SMARCAD1: variants seen among roughly 807,000 people sequenced by gnomAD.
SMARCAD1 encodes SWI/SNF-related matrix-associated actin-dependent regulator of chromatin subfamily A containing DEAD/H box 1.
A neutral mutation model predicts 127.1 loss-of-function variants in SMARCAD1; 25 were observed. The ratio of observed to expected loss-of-function variants is 0.20; its 90% confidence interval spans 0.14 to 0.27. The LOEUF (loss-of-function observed/expected upper bound fraction) is 0.27. Ranked by LOEUF, SMARCAD1 falls within the 10% of genes least tolerant of loss-of-function variation. The pLI, the probability that SMARCAD1 is intolerant of heterozygous loss-of-function variation, is 1.00. For missense variants in SMARCAD1, 807 were observed against 1,206.0 expected (o/e 0.67, Z 4.90); for synonymous variants, 400 against 396.9 (o/e 1.01, Z -0.09).
At chr4:94,282,447 T>A (rs6841961) in intron 21 of SMARCAD1, among the ~76,000 whole-genome samples, 1 of 151,996 alleles carries the variant, frequency 6.6e-6, no homozygotes, top group African/African-American at 2.4e-5. Context: ...GGTTTTCACC[T>A]TTAAATTTTT....
Position 94,227,372 on chromosome 4 carries a change from A to G in SMARCAD1, c.368+1076A>G, listed in dbSNP as rs528481675. 1.8e-3 allele frequency among the ~76,000 whole-genome samples: 270 copies of G among 152,282 alleles called. 10 individuals are homozygous for G. The South Asian group carries it at 0.053, about 30-fold the overall frequency. On this transcript the variant is annotated intron_variant, in intron 3 of 23. Coordinates refer to ENST00000354268, the MANE Select transcript of SMARCAD1 (RefSeq NM_020159.5). ...AGAGAGGTAAAATTATCTGAGTTAG[A>G]TGTTTAAAAGGTCTTAATGACTGTG...
chr4:94,276,142 G>C (rs890730471), intron 14 of SMARCAD1, among the ~76,000 whole-genome samples, 197 bp from the exon 15 acceptor site: 1 of 151,898 alleles, frequency 6.6e-6, no homozygotes, highest in African/African-American at 2.4e-5. Flanking sequence ...TCATAGCTTG[G>C]TTACAGTGTA....
At chr4:94,282,215 G>A (rs1754191521) in intron 21 of SMARCAD1, among the ~76,000 whole-genome samples, 1 of 85,058 alleles carries the variant, frequency 1.2e-5, no homozygotes, top group Non-Finnish European at 2.5e-5. Context: ...TTCTGCCTCA[G>A]CCTCCCGAGT....
intron 6 of SMARCAD1, among the ~76,000 whole-genome samples, chr4:94,248,890 A>T (rs544618465): frequency 1.3e-5 from 2 of 152,190 alleles, no homozygotes; most frequent in Non-Finnish European, 2.9e-5. Context: ...TTGAAGAAGA[A>T]GATTGTATTT....
At chr4:94,213,054 A>G (rs571723781) in intron 2 of SMARCAD1, 9 of 1,286,078 alleles carry the variant, frequency 7.0e-6, no homozygotes, top group Middle Eastern at 2.1e-4. Flanking sequence ...AGGGATTGAA[A>G]TAATGGCAGG....
chr4:94,284,286 C>A lies in SMARCAD1; in HGVS notation c.2910-674C>A, dbSNP rs1248175532. Among the ~76,000 whole-genome samples the A allele has an allele frequency of 7.8e-5, 10 of 128,512 alleles. No individual in the cohort carries two copies. In the Admixed American group the frequency reaches 9.0e-4, roughly 12 times the overall value. 84.3% of individuals were successfully genotyped at this position (128,512 alleles called of 152,430 possible). On this transcript the variant is annotated intron_variant, in intron 22 of 23. Transcript: ENST00000354268. ...AGCTTGCAGTGAGCCGCGATCGCAC[C>A]ACTGCACTCCAGCCTGGGTGACGGA...
At chr4:94,283,422 A>G (rs1754378423) in intron 22 of SMARCAD1, 119 bp downstream of exon 22, 2 of 878,308 alleles carry the variant, frequency 2.3e-6, no homozygotes, top group Non-Finnish European at 3.7e-6. Context: ...AAGCATGGCT[A>G]CTGATGTATT....
At position 94,208,364 on chromosome 4, in the gene SMARCAD1, C is replaced by T; in HGVS notation, c.-31C>T. 1 of 1,610,770 alleles carries T rather than the reference C, an allele frequency of 6.2e-7. No homozygotes were observed. The highest frequency in any genetic ancestry group is 8.5e-7 in the Non-Finnish European group (1 of 1,177,330). ...CCTGCAGATAGTTCATTTAAAGCCC[C>T]CATCCCTGCAAGGTGGTGCTTTCTA... On this transcript the variant is annotated 5_prime_UTR_variant, in exon 2 of 24. Coordinates refer to ENST00000354268, the MANE Select transcript of SMARCAD1 (RefSeq NM_020159.5).
At position 94,264,787 on chromosome 4, in the gene SMARCAD1, A is replaced by T. The variant is rs772557950; in HGVS notation, c.1362A>T (p.Val454=). ...HCKTLIQERD[V]VIRLMNKCED... is the part of the protein sequence containing the mutation. Reference sequence around the variant, plus strand: ...AAACACTGATCCAAGAAAGAGATGTAGTTATAAGGCTTATGAACAAATGTG... The same window carrying T: ...AAACACTGATCCAAGAAAGAGATGTTGTTATAAGGCTTATGAACAAATGTG... Residue 454 remains valine (V), a synonymous_variant, in exon 10 of 24, where the codon GTA becomes GTT. Transcript: ENST00000354268. The T allele has an allele frequency of 6.2e-7, 1 of 1,612,800 alleles. No individual in the cohort carries two copies. The highest frequency in any genetic ancestry group is 8.5e-7 in the Non-Finnish European group (1 of 1,179,186).
intron 5 of SMARCAD1, among the ~76,000 whole-genome samples, chr4:94,239,373 C>G (rs1368669704): frequency 1.5e-3 from 4 of 2,654 alleles, no homozygotes; most frequent in Admixed American, 0.014. Flanking sequence ...AAATTGCAGT[C>G]TTAACAGACA....
At chr4:94,259,670 C>A (rs1244590646) in intron 9 of SMARCAD1, among the ~76,000 whole-genome samples, 1 of 152,108 alleles carries the variant, frequency 6.6e-6, no homozygotes, top group African/African-American at 2.4e-5. Flanking sequence ...CATTGCCTCC[C>A]CCATTTTGTT....
rs776587306 is a variant in SMARCAD1 at position 94,274,810 on chromosome 4, C to T, written c.1732+13C>T. 29 of 1,613,000 alleles carry T rather than the reference C, an allele frequency of 1.8e-5. No homozygotes were observed. Among genetic ancestry groups the T allele is most frequent in the African/African-American group, 8.0e-5 (6 of 74,892 alleles). On this transcript the variant is annotated intron_variant, in intron 13 of 23. Coordinates refer to ENST00000354268, the MANE Select transcript of SMARCAD1 (RefSeq NM_020159.5). ...CTCTGTTACTATGGTAAGAATATGT[C>T]ATTCTGCTTTTAACTTTGGAAATTA...
chr4:94,273,833 A>C, intron 12 of SMARCAD1, 117 bp downstream of exon 12: 2 of 765,664 alleles, frequency 2.6e-6, no homozygotes, highest in Non-Finnish European at 4.4e-6. Context: ...TGTAGAGATG[A>C]ATATTAATTT....
In SMARCAD1 at chr4:94,276,385, C is replaced by T. The variant is rs1753310241; in HGVS notation, c.1855C>T (p.Arg619Trp). The change falls in exon 15 of 24, where the codon CGG (arginine) becomes TGG (tryptophan). Residue 619 changes from arginine (R) to tryptophan (W), a missense_variant. By Grantham distance (101) the Arg-to-Trp change is moderately radical. Around this residue, in one of 8 missense-constraint regions of SMARCAD1, gnomAD observed 148 missense variants for 313.2 expected, o/e 0.47. Transcript: ENST00000354268. The stretch of plus-strand genomic sequence containing the variant: ...TTCTGATGACCGTAGTCTGTTTCGA[C>T]GGCTGAAACTTAATTACGCAATTTT... Reference protein sequence around the residue: ...SSSDDRSLFRRLKLNYAIFDE... With the variant: ...SSSDDRSLFRWLKLNYAIFDE... 9 of 1,614,052 alleles carry T rather than the reference C, an allele frequency of 5.6e-6. No individual in the cohort carries two copies. The highest frequency in any genetic ancestry group is 1.1e-5 in the South Asian group (1 of 91,080).
In SMARCAD1 at chr4:94,226,580, A is replaced by G. The variant is rs561589119; in HGVS notation, c.368+284A>G. Among the ~76,000 whole-genome samples the G allele has an allele frequency of 5.3e-5, 8 of 149,584 alleles. No individual in the cohort carries two copies. The South Asian group carries it at 1.7e-3, about 32-fold the overall frequency. On this transcript the variant is annotated intron_variant, in intron 3 of 23. Transcript: ENST00000354268. ...CTTAATTTCCTTATTATGGAAGTTTAAAAGAATTGTTTAGTACCTTTGATC... is the reference window on the plus strand; with the variant it reads ...CTTAATTTCCTTATTATGGAAGTTTGAAAGAATTGTTTAGTACCTTTGATC...
intron 2 of SMARCAD1, chr4:94,213,116 G>A: frequency 1.6e-6 from 2 of 1,286,644 alleles, no homozygotes; most frequent in Non-Finnish European, 2.0e-6. Context: ...ATAAAAATGA[G>A]TGAAGCCTGA....
chr4:94,236,242 G>C (rs748046221), intron 4 of SMARCAD1, among the ~76,000 whole-genome samples: 3 of 152,072 alleles, frequency 2.0e-5, no homozygotes, highest in Non-Finnish European at 4.4e-5. Context: ...TTAAAAGTAA[G>C]ATCTTTTTAA....
At chr4:94,259,750 T>C (rs1292809517) in intron 9 of SMARCAD1, among the ~76,000 whole-genome samples, 2 of 152,194 alleles carry the variant, frequency 1.3e-5, no homozygotes, top group African/African-American at 4.8e-5. Flanking sequence ...CTTGTCCACT[T>C]CCTTCCATCA....
At chr4:94,274,844 G>T (rs761483091) in intron 13 of SMARCAD1, 46 bp from the exon 14 acceptor site, 1 of 1,605,356 alleles carries the variant, frequency 6.2e-7, no homozygotes, top group African/African-American at 1.3e-5. Flanking sequence ...TAAAAATAAA[G>T]TACAGCACAA....
Sources: gnomAD v4.1 joint callset for allele counts (sites outside exome capture counted in the v4.1 genomes callset) on GRCh38, gnomAD v4.1.1 for gene constraint, gnomAD v4.1.1 regional missense constraint, MANE v1.5 for transcripts, NCBI Gene and HGNC (gene_info 2026-07-23, HGNC 2026-07-21) for gene names.